The following AGMO variants were observed in gnomAD, a reference collection of about 807,000 sequenced individuals.
AGMO encodes the protein alkylglycerol monooxygenase.
A neutral mutation model predicts 60.2 loss-of-function variants in AGMO; 75 were observed. The observed-to-expected ratio is 1.25, with a 90% CI of 1.03 to 1.51. AGMO has a LOEUF of 1.51. Ranked by LOEUF, AGMO falls within the 40% of genes most tolerant of loss-of-function variation. The pLI is 0.00. For synonymous variants in AGMO, 261 were observed against 177.1 expected (o/e 1.47, Z -3.76); for missense variants, 763 against 525.5 (o/e 1.45, Z -4.42).
At chr7:15,483,946 G>A (rs140403745) in intron 3 of AGMO, among the ~76,000 whole-genome samples, 8 of 152,212 alleles carry the variant, frequency 5.3e-5, no homozygotes, top group African/African-American at 1.7e-4. Flanking sequence ...TTTAAGTCAC[G>A]TTGTTATTGG....
intron 12 of AGMO, among the ~76,000 whole-genome samples, chr7:15,341,925 T>C (rs1472497556): frequency 6.6e-6 from 1 of 151,968 alleles, no homozygotes; most frequent in Non-Finnish European, 1.5e-5. Context: ...AAATCTGCTC[T>C]ATGATTCAAT....
At chr7:15,137,823 G>A in the AGMO span, among the ~76,000 whole-genome samples, 1 of 152,120 alleles carries the variant, frequency 6.6e-6, no homozygotes, top group African/African-American at 2.4e-5. Context: ...ACATTTAAAA[G>A]AGCAGAATCA....
chr7:15,299,984 G>A (rs1784522928), intron 12 of AGMO, among the ~76,000 whole-genome samples: 1 of 152,100 alleles, frequency 6.6e-6, no homozygotes, highest in African/African-American at 2.4e-5. Context: ...AGGGAAGAAA[G>A]CTGTGAATAC....
intron 3 of AGMO, among the ~76,000 whole-genome samples, chr7:15,442,474 T>G (rs73068565): frequency 6.6e-6 from 1 of 152,288 alleles, no homozygotes; most frequent in Non-Finnish European, 1.5e-5. Context: ...CCCATTATTC[T>G]AGTACAGATA....
chr7:15,261,490 T>C (rs1783269871), intron 12 of AGMO, among the ~76,000 whole-genome samples: 1 of 151,730 alleles, frequency 6.6e-6, no homozygotes, highest in Admixed American at 6.6e-5. Flanking sequence ...TAACAAGCAG[T>C]GAGATGGAAA....
intron 4 of AGMO, among the ~76,000 whole-genome samples, chr7:15,419,354 CTT>C (rs1313622270): frequency 6.6e-6 from 1 of 151,886 alleles, no homozygotes. Context: ...CTGCTAATGA[CTT>C]TGATCCCCAA....
At chr7:15,466,194 C>T (rs1054861390) in intron 3 of AGMO, among the ~76,000 whole-genome samples, 4 of 152,048 alleles carry the variant, frequency 2.6e-5, no homozygotes, top group Non-Finnish European at 4.4e-5. Flanking sequence ...GGTGCATATC[C>T]TTTAATATTC....
chr7:15,295,174 T>C (rs1784374969), intron 12 of AGMO, among the ~76,000 whole-genome samples: 1 of 151,912 alleles, frequency 6.6e-6, no homozygotes, highest in African/African-American at 2.4e-5. Flanking sequence ...TTTTAGAATA[T>C]AAAACAGAGA....
At chr7:15,407,669 A>G (rs983300358) in intron 5 of AGMO, among the ~76,000 whole-genome samples, 1 of 151,856 alleles carries the variant, frequency 6.6e-6, no homozygotes, top group Non-Finnish European at 1.5e-5. Context: ...TCAACAATCA[A>G]TAGAATTTTT....
At chr7:15,457,793 A>C (rs1350252231) in intron 3 of AGMO, among the ~76,000 whole-genome samples, 1 of 152,128 alleles carries the variant, frequency 6.6e-6, no homozygotes, top group Non-Finnish European at 1.5e-5. Context: ...AGTACCTTAC[A>C]CCTACCATGA....
At chr7:15,480,801 G>A (rs1232164646) in intron 3 of AGMO, among the ~76,000 whole-genome samples, 1 of 152,088 alleles carries the variant, frequency 6.6e-6, no homozygotes, top group African/African-American at 2.4e-5. Flanking sequence ...AAGTGACAAT[G>A]ATTGGTTGAA....
At chr7:15,286,723 G>A (rs1164348235) in intron 12 of AGMO, among the ~76,000 whole-genome samples, 1 of 152,058 alleles carries the variant, frequency 6.6e-6, no homozygotes, top group African/African-American at 2.4e-5. Context: ...CCACTACTGG[G>A]TATCTCTCCA....
the AGMO span, among the ~76,000 whole-genome samples, chr7:15,165,731 T>A: frequency 6.6e-6 from 1 of 152,180 alleles, no homozygotes; most frequent in Admixed American, 6.6e-5. Flanking sequence ...TAAAATGGGA[T>A]ATAACACGTG....
chr7:15,314,114 T>C (rs1297211655), intron 12 of AGMO, among the ~76,000 whole-genome samples: 4 of 152,022 alleles, frequency 2.6e-5, no homozygotes, highest in Admixed American at 1.3e-4. Context: ...TGTTGATGAC[T>C]GATGGACAGG....
At chr7:15,360,561 T>C (rs1425486551) in intron 12 of AGMO, among the ~76,000 whole-genome samples, 2 of 152,180 alleles carry the variant, frequency 1.3e-5, no homozygotes, top group African/African-American at 4.8e-5. Context: ...TTTCTCATCA[T>C]CTTCATGTTA....
chr7:15,375,569 G>A (rs1158887392), intron 10 of AGMO, among the ~76,000 whole-genome samples: 1 of 151,812 alleles, frequency 6.6e-6, no homozygotes, highest in African/African-American at 2.4e-5. Context: ...GCTAATTTTT[G>A]TATTTTTAGC....
chr7:15,238,038 C>T lies in AGMO; in HGVS notation c.1264-36679G>A, dbSNP rs182996375. On this transcript the variant is annotated intron_variant, in intron 12 of 12. Coordinates refer to ENST00000342526, the MANE Select transcript of AGMO (RefSeq NM_001004320.2). The stretch of plus-strand genomic sequence containing the variant: ...TAGATGGCCTAATCACATTGACCAG[C>T]CTCTCCCTTAATGACCTACAGTGCA... Among the ~76,000 whole-genome samples the T allele has an allele frequency of 5.3e-3, 810 of 152,100 alleles. 5 individuals carry two copies. The highest frequency in any genetic ancestry group is 0.018 in the African/African-American group (767 of 41,514).
chr7:15,263,197 A>G lies in AGMO; in HGVS notation c.1264-61838T>C, dbSNP rs111417456. ...TCCATACACCTGACAAAGATTTAAT[A>G]TCCAGAATCTACAGAGATGTCAAAC... On this transcript the variant is annotated intron_variant, in intron 12 of 12. Transcript: ENST00000342526. 4.0e-3 allele frequency among the ~76,000 whole-genome samples: 615 copies of G among 152,274 alleles called. 2 individuals are homozygous for G. Among genetic ancestry groups the G allele is most frequent in the African/African-American group, 0.012 (519 of 41,560 alleles).
chr7:15,379,883 T>TG (rs1783607359), intron 10 of AGMO, among the ~76,000 whole-genome samples: 2 of 152,080 alleles, frequency 1.3e-5, no homozygotes, highest in Non-Finnish European at 2.9e-5. Context: ...TGTGATTCAT[T>TG]ACGTTAACAG....
Sources: gnomAD v4.1 joint callset for allele counts (sites outside exome capture counted in the v4.1 genomes callset) on GRCh38, gnomAD v4.1.1 for gene constraint, MANE v1.5 for transcripts, NCBI Gene and HGNC (gene_info 2026-07-23, HGNC 2026-07-21) for gene names.